Variants in COL6A1 observed in about 807,000 individuals in gnomAD.
COL6A1 encodes collagen alpha-1(VI) chain.
COL6A1 carries 80 observed loss-of-function variants against 145.6 expected under a neutral mutation model. The ratio of observed to expected loss-of-function variants is 0.55; its 90% CI spans 0.46 to 0.66. The LOEUF (loss-of-function observed/expected upper bound fraction) is 0.66. COL6A1 is among the 30% of genes least tolerant of loss of function. COL6A1 has a pLI of 0.00. For missense variants in COL6A1, 1,364 were observed against 1,473.8 expected (o/e 0.93, Z 1.22); for synonymous variants, 638 against 622.8 (o/e 1.02, Z -0.36).
In COL6A1 at chr21:45,994,774, G is replaced by A. The variant is rs1045585014; in HGVS notation, c.1398+545G>A. 1.3e-5 allele frequency among the ~76,000 whole-genome samples: 2 copies of A among 152,208 alleles called. No homozygotes were observed. The highest frequency in any genetic ancestry group is 2.9e-5 in the Non-Finnish European group (2 of 68,038). ...TGTCTCTTCCCCCATTCTGATGACT[G>A]CCATGATGGTGGCTCCAGTGTGGTG... On this transcript the variant is annotated intron_variant, in intron 20 of 34. Transcript: ENST00000361866. The surrounding 1 kb of genome is among the most constrained non-coding windows in gnomAD (Gnocchi z 6.8).
Position 46,002,641 on chromosome 21 carries a change from G to T in COL6A1, c.2365G>T (p.Val789Phe). The T allele has an allele frequency of 3.1e-6, 5 of 1,614,024 alleles. No individual in the cohort carries two copies. Among genetic ancestry groups the T allele is most frequent in the Non-Finnish European group, 4.2e-6 (5 of 1,180,010 alleles). Residue 789 changes from valine (V) to phenylalanine (F), a missense_variant, in exon 33 of 35, where the codon GTC becomes TTC. Physicochemically the swap from Val to Phe is conservative, Grantham distance 50 (BLOSUM62 -1). Transcript: ENST00000361866. Reference protein sequence around the residue: ...PSQGRPGLSLVKENYAELLED... With the variant: ...PSQGRPGLSLFKENYAELLED... ...CCAGGGCCGGCCCGGCCTCTCGCTGGTCAAGGAGAACTATGCAGAGCTGCT... is the reference window on the plus strand; with the variant it reads ...CCAGGGCCGGCCCGGCCTCTCGCTGTTCAAGGAGAACTATGCAGAGCTGCT...
Position 45,994,288 on chromosome 21 carries a change from G to A in COL6A1, c.1398+59G>A, listed in dbSNP as rs368031609. On this transcript the variant is annotated intron_variant, in intron 20 of 34. Coordinates refer to ENST00000361866, the MANE Select transcript of COL6A1 (RefSeq NM_001848.3). The surrounding 1 kb of genome is among the most constrained non-coding windows in gnomAD (Gnocchi z 6.8). The stretch of plus-strand genomic sequence containing the variant: ...CAATTTGGGTTTTGGGGGTAGAAGT[G>A]CTCCAGCAGCTCACGCACTGGGGGT... 1 of 1,484,564 alleles carries A rather than the reference G, an allele frequency of 6.7e-7. No individual in the cohort carries two copies. The highest frequency in any genetic ancestry group is 9.3e-7 in the Non-Finnish European group (1 of 1,079,216). The allele number at this position is 1,484,564 out of a possible 1,614,324, so 92.0% of individuals were successfully genotyped here.
intron 34 of COL6A1, 88 bp downstream of exon 34, chr21:46,003,237 G>C: frequency 6.2e-7 from 1 of 1,608,556 alleles, no homozygotes; most frequent in South Asian, 1.1e-5. Context: ...TGGGAGGAGG[G>C]CCTGGCGGTC....
At chr21:46,003,349 C>G (rs1343379822) in intron 34 of COL6A1, 42 bp from the exon 35 acceptor site, 2 of 1,600,180 alleles carry the variant, frequency 1.2e-6, no homozygotes, top group Non-Finnish European at 1.7e-6. Flanking sequence ...GCGGCTGCAT[C>G]ACCAGGGCCT....
chr21:45,997,536 A>G (rs1239580016), intron 21 of COL6A1, 53 bp downstream of exon 21: 31 of 1,573,988 alleles, frequency 2.0e-5, no homozygotes, highest in Admixed American at 3.4e-5. Context: ...CTGAGGATCC[A>G]GAACCCACTG....
intron 23 of COL6A1, 67 bp downstream of exon 23, chr21:45,998,238 C>G (rs1030601909): frequency 1.0e-5 from 16 of 1,590,524 alleles, no homozygotes; most frequent in Admixed American, 5.2e-5. Flanking sequence ...CTTTAGTGGA[C>G]TGGGCACTCT....
intron 13 of COL6A1, 36 bp downstream of exon 13, chr21:45,990,458 GAGGAGGA>G: frequency 8.1e-7 from 1 of 1,238,818 alleles, no homozygotes; most frequent in Non-Finnish European, 1.1e-6. Flanking sequence ...GGGGAGGGAC[GAGGAGGA>G]ATGGGGCGAG....
In COL6A1 at chr21:45,991,058, C is replaced by T. The variant is rs768724769; in HGVS notation, c.1119+17C>T. On this transcript the variant is annotated intron_variant, in intron 15 of 34. Coordinates refer to ENST00000361866, the MANE Select transcript of COL6A1 (RefSeq NM_001848.3). ...GGAGAAAAGGTGAGTGACTTGCGGCCCCTGGAGGACCAGGGCCTTCACGGT... is the reference window on the plus strand; with the variant it reads ...GGAGAAAAGGTGAGTGACTTGCGGCTCCTGGAGGACCAGGGCCTTCACGGT... The T allele has an allele frequency of 1.1e-5, 17 of 1,612,960 alleles. No homozygotes were observed. In the South Asian group the frequency reaches 1.6e-4, roughly 16 times the overall value.
At chr21:45,990,173 C>A in intron 11 of COL6A1, 85 bp from the exon 12 acceptor site, 1 of 1,542,586 alleles carries the variant, frequency 6.5e-7, no homozygotes, top group Non-Finnish European at 8.9e-7. Context: ...GGCACCCAAG[C>A]CCCTGCCTCG....
chr21:46,003,013 CG>C, intron 33 of COL6A1, 106 bp from the exon 34 acceptor site: 3 of 1,537,894 alleles, frequency 2.0e-6, no homozygotes, highest in Non-Finnish European at 2.7e-6. Context: ...CTGTGACTTC[CG>C]GGGGCACGGC....
In COL6A1 at chr21:46,002,702, T is replaced by C. The variant is rs755082108; in HGVS notation, c.2426T>C (p.Ile809Thr). Residue 809 changes from isoleucine (I) to threonine (T), a missense_variant, in exon 33 of 35, where the codon ATC becomes ACC. Ile to Thr is a moderately conservative substitution (Grantham distance 89). This residue lies in a region of COL6A1 where 938 missense variants were observed against 1,003.8 expected (regional missense o/e 0.93). Transcript: ENST00000361866. ...TTCCTGAAGAATGTCACCGCCCAGATCTGCATAGGTGCGCATGGGGCCACC... is the reference window on the plus strand; with the variant it reads ...TTCCTGAAGAATGTCACCGCCCAGACCTGCATAGGTGCGCATGGGGCCACC... ...DAFLKNVTAQ[I>T]CIDKKCPDYT... 1 of 1,612,622 alleles carries C rather than the reference T, an allele frequency of 6.2e-7. No individual in the cohort carries two copies. The highest frequency in any genetic ancestry group is 8.5e-7 in the Non-Finnish European group (1 of 1,179,458).
chr21:45,999,100 C>A (rs369473378), intron 25 of COL6A1, 53 bp from the exon 26 acceptor site: 1 of 1,552,016 alleles, frequency 6.4e-7, no homozygotes, highest in Admixed American at 1.9e-5. Flanking sequence ...GGGGCCAGCG[C>A]GCAGATGCCC....
intron 13 of COL6A1, 48 bp from the exon 14 acceptor site, chr21:45,990,725 G>T (rs1229030117): frequency 6.4e-7 from 1 of 1,564,588 alleles, no homozygotes; most frequent in African/African-American, 1.4e-5. Context: ...ATTGGCCTCA[G>T]TTTACCCACT....
Position 46,004,437 on chromosome 21 carries a change from A to G in COL6A1, c.*424A>G. ...CCTAGGCACCTCTGTGCTGCATCCC[A>G]CCAGCCTGAGCAAGACGCCCTCTCG... On this transcript the variant is annotated 3_prime_UTR_variant, in exon 35 of 35. Transcript: ENST00000361866. 2 of 315,626 alleles carry G rather than the reference A, an allele frequency of 6.3e-6. No homozygotes were observed. Among genetic ancestry groups the G allele is most frequent in the Non-Finnish European group, 1.2e-5 (2 of 161,224 alleles). 19.6% of individuals were successfully genotyped at this position (315,626 alleles called of 1,614,324 possible).
rs570181171 is a variant in COL6A1, at chr21:45,982,820, G to C, written c.227+57G>C. On this transcript the variant is annotated intron_variant, in intron 2 of 34. Transcript: ENST00000361866. ...TGCTTCTGGGCCTCTTGGAGGGAGG[G>C]GTGGGGGCCCAGGGGAACACGGGTG... 2.5e-6 allele frequency: 4 copies of C among 1,600,788 alleles called. No individual in the cohort carries two copies. The East Asian group carries it at 8.9e-5, about 36-fold the overall frequency.
intron 24 of COL6A1, 87 bp downstream of exon 24, chr21:45,998,520 A>G: frequency 6.4e-7 from 1 of 1,570,020 alleles, no homozygotes; most frequent in Non-Finnish European, 8.7e-7. Context: ...ACATGTGCAC[A>G]CAGGCTCCCG....
At chr21:45,996,770 A>T (rs1272531265) in intron 20 of COL6A1, among the ~76,000 whole-genome samples, 1 of 152,162 alleles carries the variant, frequency 6.6e-6, no homozygotes, top group African/African-American at 2.4e-5. Context: ...TTGTCCACGG[A>T]GCAGGCCCTC....
At chr21:45,996,136 T>G (rs766390777) in intron 20 of COL6A1, among the ~76,000 whole-genome samples, 5 of 152,214 alleles carry the variant, frequency 3.3e-5, no homozygotes, top group Non-Finnish European at 4.4e-5. Context: ...AGTCTGACTG[T>G]GTGTGGTGAG....
At chr21:46,002,813 A>C (rs1396680180) in intron 33 of COL6A1, 103 bp downstream of exon 33, 8 of 1,349,812 alleles carry the variant, frequency 5.9e-6, no homozygotes, top group Admixed American at 2.0e-5. Context: ...CCGCCCGGGC[A>C]GTCCCAGATC....
Sources: allele counts gnomAD v4.1 joint callset (sites outside exome capture counted in the v4.1 genomes callset), GRCh38; gene constraint gnomAD v4.1.1; regional missense constraint gnomAD v4.1.1; non-coding constraint Gnocchi (gnomAD v3.1); transcripts MANE v1.5; gene names NCBI Gene and HGNC (gene_info 2026-07-23, HGNC 2026-07-21).